MYO5A: variants seen among roughly 807,000 people sequenced by gnomAD.
MYO5A encodes the protein unconventional myosin-Va.
Under a neutral mutation model 249.7 loss-of-function variants are expected in MYO5A, and 98 were observed. The ratio of observed to expected loss-of-function variants is 0.39; its 90% CI spans 0.33 to 0.46. MYO5A has a LOEUF of 0.46. Among genes scored for constraint, MYO5A ranks in the 20% least tolerant of loss-of-function variants. The pLI is 0.98. For synonymous variants in MYO5A, 778 were observed against 810.6 expected (o/e 0.96, Z 0.68); for missense variants, 1,696 against 2,308.8 (o/e 0.73, Z 5.44).
chr15:52,380,150 A>G (rs1029718254), intron 16 of MYO5A, among the ~76,000 whole-genome samples: 1 of 152,206 alleles, frequency 6.6e-6, no homozygotes, highest in African/African-American at 2.4e-5. Context: ...AACTCATAAG[A>G]GTGTGCTGGG....
chr15:52,329,342 C>T (rs9744852), intron 35 of MYO5A, among the ~76,000 whole-genome samples: 14,410 of 152,222 alleles, frequency 0.095, 2,113 homozygotes, highest in African/African-American at 0.32. Context: ...GCCAATCACA[C>T]TGCTGTCACC....
intron 3 of MYO5A, among the ~76,000 whole-genome samples, chr15:52,427,535 A>G (rs1245886300): frequency 5.9e-5 from 9 of 152,220 alleles, no homozygotes; most frequent in Non-Finnish European, 1.0e-4. Context: ...TGGAAGAAAA[A>G]TAACAATTGA....
At chr15:52,466,292 G>GCCAGAACT (rs2076350977) in intron 1 of MYO5A, among the ~76,000 whole-genome samples, 1 of 152,092 alleles carries the variant, frequency 6.6e-6, no homozygotes, top group South Asian at 2.1e-4. Context: ...CTGTGGGAGG[G>GCCAGAACT]GCTCCCACAG....
In MYO5A at chr15:52,337,843, T is replaced by C. The variant is rs754520518; in HGVS notation, c.4281A>G (p.Gln1427=). 12 of 1,545,368 alleles carry C rather than the reference T, an allele frequency of 7.8e-6. No homozygotes were observed. Among genetic ancestry groups the C allele is most frequent in the Admixed American group, 3.9e-5 (2 of 50,826 alleles). The stretch of plus-strand genomic sequence containing the variant: ...GTTTGTAAAGGGAAATCCGATATGA[T>C]TGATACTTCTTAGGGTCATCTGCAT... ...ELYADDPKKY[Q]SYRISLYKRM... Residue 1427 remains glutamine, a synonymous_variant, in exon 33 of 42, where the codon CAA becomes CAG. Coordinates refer to ENST00000399233, the MANE Select transcript of MYO5A (RefSeq NM_001382347.1).
rs751061571 is a variant in MYO5A at position 52,336,476 on chromosome 15, A to C, written c.4395T>G (p.Ile1465Met). 6.2e-7 allele frequency: 1 copy of C among 1,603,214 alleles called. No homozygotes were observed. The highest frequency in any genetic ancestry group is 1.7e-5 in the Admixed American group (1 of 59,056). Reference protein sequence around the residue: ...KKQLKVFAKKIGELEVGQMEN... With the variant: ...KKQLKVFAKKMGELEVGQMEN... Reference sequence around the variant, plus strand: ...AGGTTTAAATACCTTCTAGTTCGCCAATTTTTTTGGCAAATACTTTCAGTT... The same window carrying C: ...AGGTTTAAATACCTTCTAGTTCGCCCATTTTTTTGGCAAATACTTTCAGTT... The change falls in exon 34 of 42, where the codon ATT (isoleucine) becomes ATG (methionine). Residue 1465 changes from isoleucine to methionine, a missense_variant. Physicochemically the swap from Ile to Met is conservative, Grantham distance 10. Transcript: ENST00000399233.
chr15:52,427,470 AG>A (rs2075421766), intron 3 of MYO5A, among the ~76,000 whole-genome samples: 1 of 152,214 alleles, frequency 6.6e-6, no homozygotes, highest in Admixed American at 6.5e-5. Flanking sequence ...CTGACTTGAT[AG>A]GGTGGCTAGA....
rs2041628711 is a variant in MYO5A at position 52,379,638 on chromosome 15, T to C, written c.2195A>G (p.Glu732Gly). 1 of 1,613,616 alleles carries C rather than the reference T, an allele frequency of 6.2e-7. No individual in the cohort carries two copies. The highest frequency in any genetic ancestry group is 8.5e-7 in the Non-Finnish European group (1 of 1,179,594). ...AATCATTCTCACCAGTATCAGTTTC[T>C]CTAACACATTCTTGCATGTTTGCTT... Reference protein sequence around the residue: ...DRKQTCKNVLEKLILDKDKYQ... With the variant: ...DRKQTCKNVLGKLILDKDKYQ... Residue 732 changes from glutamate to glycine, a missense_variant, in exon 18 of 42, where the codon GAG becomes GGG. Around this residue, in one of 5 missense-constraint regions of MYO5A, gnomAD observed 277 missense variants for 422.4 expected, o/e 0.66. Transcript: ENST00000399233.
At chr15:52,367,880 C>T (rs974761691) in intron 22 of MYO5A, among the ~76,000 whole-genome samples, 7 of 148,590 alleles carry the variant, frequency 4.7e-5, no homozygotes, top group Non-Finnish European at 8.9e-5. Context: ...AACACACACA[C>T]ACACACACAC....
intron 18 of MYO5A, 89 bp downstream of exon 18, chr15:52,379,536 T>C (rs1320092287): frequency 8.9e-7 from 1 of 1,121,626 alleles, no homozygotes; most frequent in East Asian, 2.4e-5. Context: ...TCTGGACTAG[T>C]AAAATGTTAT....
At chr15:52,322,251 C>A (rs2038366001) in intron 37 of MYO5A, among the ~76,000 whole-genome samples, 1 of 152,246 alleles carries the variant, frequency 6.6e-6, no homozygotes, top group Non-Finnish European at 1.5e-5. Context: ...CAGTCAACGA[C>A]CCCTCTGAGG....
chr15:52,513,116 G>A (rs546127251), intron 1 of MYO5A, among the ~76,000 whole-genome samples: 5 of 151,402 alleles, frequency 3.3e-5, no homozygotes, highest in East Asian at 3.9e-4. Flanking sequence ...GAAAAAGATC[G>A]TAAGTCTTAA....
At chr15:52,354,278 A>C (rs540651587) in intron 25 of MYO5A, among the ~76,000 whole-genome samples, 253 of 152,366 alleles carry the variant, frequency 1.7e-3, no homozygotes, top group African/African-American at 5.9e-3. Context: ...ACAGTGTCTC[A>C]TATGATATTG....
At chr15:52,317,810 CAG>C (rs2038097658) in intron 39 of MYO5A, among the ~76,000 whole-genome samples, 1 of 152,178 alleles carries the variant, frequency 6.6e-6, no homozygotes, top group African/African-American at 2.4e-5. Context: ...CAAATGGTGA[CAG>C]AGACAAACTA....
chr15:52,387,005 A>G (rs969079251), intron 14 of MYO5A, among the ~76,000 whole-genome samples: 1 of 152,370 alleles, frequency 6.6e-6, no homozygotes, highest in African/African-American at 2.4e-5. Flanking sequence ...AGAATAAAAT[A>G]GAAAAACAAA....
intron 1 of MYO5A, among the ~76,000 whole-genome samples, chr15:52,516,562 C>T (rs2077500174): frequency 6.6e-6 from 1 of 152,234 alleles, no homozygotes. Context: ...CTGCCGTGAT[C>T]CTAGTCCTTC....
intron 1 of MYO5A, among the ~76,000 whole-genome samples, chr15:52,501,218 G>C (rs571808896): frequency 6.6e-6 from 1 of 151,918 alleles, no homozygotes; most frequent in South Asian, 2.1e-4. Flanking sequence ...TGATCCACCC[G>C]CCTCGGCCTC....
chr15:52,429,661 C>G (rs927258371), intron 2 of MYO5A, among the ~76,000 whole-genome samples: 1 of 151,866 alleles, frequency 6.6e-6, no homozygotes, highest in African/African-American at 2.4e-5. Context: ...TGAACTCCAG[C>G]CTGGGCTACA....
intron 12 of MYO5A, among the ~76,000 whole-genome samples, chr15:52,390,841 AAGCCCATC>A (rs2141162868): frequency 6.6e-6 from 1 of 152,162 alleles, no homozygotes; most frequent in Non-Finnish European, 1.5e-5. Flanking sequence ...TTACAGATAT[AAGCCCATC>A]ATGCCCGGCC....
rs536943687 is a variant in MYO5A at position 52,422,387 on chromosome 15, C to T, written c.455+3443G>A. On this transcript the variant is annotated intron_variant, in intron 4 of 41. Coordinates refer to ENST00000399233, the MANE Select transcript of MYO5A (RefSeq NM_001382347.1). ...CTTAAAGATCTAAATTAGAACTCTG[C>T]TCCCTTCCCCCTACTCCCCACCCTA... 8.5e-5 allele frequency among the ~76,000 whole-genome samples: 13 copies of T among 152,240 alleles called. No homozygotes were observed. The South Asian group carries it at 1.7e-3, about 19-fold the overall frequency.
Sources: gnomAD v4.1 joint callset for allele counts (sites outside exome capture counted in the v4.1 genomes callset) on GRCh38, gnomAD v4.1.1 for gene constraint, gnomAD v4.1.1 regional missense constraint, MANE v1.5 for transcripts, NCBI Gene and HGNC (gene_info 2026-07-23, HGNC 2026-07-21) for gene names.